Variants in TMEM117 observed in about 807,000 individuals in gnomAD.
TMEM117 encodes the protein transmembrane protein 117.
TMEM117 carries 27 observed loss-of-function variants against 52.4 expected under a neutral mutation model. The observed-to-expected ratio is 0.51, with a 90% CI of 0.38 to 0.71. TMEM117 has a LOEUF of 0.71. TMEM117 is among the 30% of genes least tolerant of loss of function. The probability of loss-of-function intolerance (pLI) is 0.00; values close to 1 mark genes in which losing one functional copy is unlikely to be tolerated. For missense variants in TMEM117, 556 were observed against 630.5 expected, an observed-to-expected ratio of 0.88 and a Z score of 1.26; for synonymous variants, 215 against 206.3, an observed-to-expected ratio of 1.04 and a Z score of -0.36.
chr12:43,953,826 C>G (rs1046600917), intron 3 of TMEM117, among the ~76,000 whole-genome samples: 1 of 152,014 alleles, frequency 6.6e-6, no homozygotes, highest in Admixed American at 6.5e-5. Flanking sequence ...ACAGAACTCT[C>G]CCCCCCAAAA....
At chr12:44,176,970 G>C (rs374192633) in intron 4 of TMEM117, among the ~76,000 whole-genome samples, 1 of 152,090 alleles carries the variant, frequency 6.6e-6, no homozygotes, top group Admixed American at 6.6e-5. Flanking sequence ...AGCTCAGGAA[G>C]GAAAGGGGTA....
chr12:44,235,494 T>C (rs1949985055), intron 5 of TMEM117, among the ~76,000 whole-genome samples: 1 of 151,720 alleles, frequency 6.6e-6, no homozygotes, highest in South Asian at 2.1e-4. Flanking sequence ...ATGTTTTTGA[T>C]TGGATCAGTG....
At chr12:43,932,039 T>A (rs1944879287) in intron 2 of TMEM117, among the ~76,000 whole-genome samples, 1 of 152,196 alleles carries the variant, frequency 6.6e-6, no homozygotes, top group South Asian at 2.1e-4. Flanking sequence ...GCCCTTTTGA[T>A]GTGCATGAAA....
chr12:44,037,900 G>A (rs1946735960), intron 3 of TMEM117, among the ~76,000 whole-genome samples: 1 of 152,002 alleles, frequency 6.6e-6, no homozygotes, highest in African/African-American at 2.4e-5. Flanking sequence ...TGAGAGTTGG[G>A]CAGATATTGG....
At chr12:44,195,235 T>G (rs1949403195) in intron 4 of TMEM117, among the ~76,000 whole-genome samples, 1 of 152,188 alleles carries the variant, frequency 6.6e-6, no homozygotes. Context: ...CAGTTCCTTT[T>G]GCTTGTAGGG....
chr12:43,944,435 G>T, intron 3 of TMEM117, 93 bp downstream of exon 3: 1 of 1,176,158 alleles, frequency 8.5e-7, no homozygotes, highest in Non-Finnish European at 1.2e-6. Context: ...GTCTAAGTCT[G>T]CTTTACAAAT....
intron 3 of TMEM117, among the ~76,000 whole-genome samples, chr12:44,089,609 C>T (rs1031001942): frequency 5.9e-5 from 9 of 152,100 alleles, no homozygotes; most frequent in African/African-American, 1.7e-4. Context: ...ACTCTCTCAG[C>T]GTAAGAGAGT....
intron 6 of TMEM117, among the ~76,000 whole-genome samples, chr12:44,311,205 A>G (rs1950970609): frequency 2.6e-5 from 4 of 152,132 alleles, no homozygotes; most frequent in Non-Finnish European, 5.9e-5. Context: ...ATATACATAT[A>G]TGTATGCTGA....
rs577691964 is a variant in TMEM117 at position 43,916,761 on chromosome 12, A to G, written c.278-27449A>G. Among the ~76,000 whole-genome samples, 23 of 152,306 alleles carry G rather than the reference A, an allele frequency of 1.5e-4. No individual in the cohort carries two copies. The East Asian group carries it at 3.1e-3, about 20-fold the overall frequency. ...GACTAAAAAATTAAATGGCATCTCA[A>G]AGTTTTCCTACTTCATCCTAGGAAT... On this transcript the variant is annotated intron_variant, in intron 2 of 7. Coordinates refer to ENST00000266534, the MANE Select transcript of TMEM117 (RefSeq NM_032256.3).
chr12:44,104,327 A>T (rs1565829185), intron 3 of TMEM117, among the ~76,000 whole-genome samples: 2 of 151,098 alleles, frequency 1.3e-5, no homozygotes, highest in East Asian at 3.9e-4. Flanking sequence ...CCTTCCCTTT[A>T]TTTTTTTAAC....
chr12:44,115,525 C>T (rs1367142638), intron 3 of TMEM117, among the ~76,000 whole-genome samples: 1 of 150,888 alleles, frequency 6.6e-6, no homozygotes, highest in Admixed American at 6.6e-5. Flanking sequence ...GAATCTAAGA[C>T]TCAAATAGTA....
chr12:44,049,114 C>T (rs11182401), intron 3 of TMEM117, among the ~76,000 whole-genome samples: 3,517 of 152,194 alleles, frequency 0.023, 71 homozygotes, highest in Middle Eastern at 0.058. Context: ...CACATGCACA[C>T]GTATGTTTAC....
chr12:44,221,008 C>T (rs1220875257), intron 5 of TMEM117, among the ~76,000 whole-genome samples: 3 of 152,072 alleles, frequency 2.0e-5, no homozygotes, highest in Non-Finnish European at 4.4e-5. Context: ...GCTTAACTCC[C>T]CACCCCTTGA....
intron 5 of TMEM117, among the ~76,000 whole-genome samples, chr12:44,234,330 G>T (rs989802415): frequency 4.0e-5 from 6 of 151,196 alleles, no homozygotes; most frequent in Non-Finnish European, 5.9e-5. Flanking sequence ...TTGTTTTGAT[G>T]AATTATACCT....
At chr12:44,130,145 G>C (rs1204250919) in intron 3 of TMEM117, among the ~76,000 whole-genome samples, 1 of 152,132 alleles carries the variant, frequency 6.6e-6, no homozygotes. Context: ...ATACTAATTG[G>C]TTCTTTATAT....
chr12:44,026,425 G>A (rs776083067), intron 3 of TMEM117, among the ~76,000 whole-genome samples: 2 of 152,166 alleles, frequency 1.3e-5, no homozygotes, highest in Middle Eastern at 3.4e-3. Context: ...GGGTTTCCAC[G>A]TGCCTCCAAA....
chr12:44,025,751 T>C (rs1173945761), intron 3 of TMEM117, among the ~76,000 whole-genome samples: 1 of 152,136 alleles, frequency 6.6e-6, no homozygotes, highest in Non-Finnish European at 1.5e-5. Flanking sequence ...CTAGAGAAAA[T>C]TTCTGAAGTT....
At chr12:44,097,174 C>T (rs901281148) in intron 3 of TMEM117, among the ~76,000 whole-genome samples, 1 of 152,176 alleles carries the variant, frequency 6.6e-6, no homozygotes, top group Non-Finnish European at 1.5e-5. Flanking sequence ...GACACCATCT[C>T]ACACCAGTTA....
chr12:44,168,192 G>T lies in TMEM117; in HGVS notation c.510+24568G>T, dbSNP rs138471356. Among the ~76,000 whole-genome samples the T allele has an allele frequency of 8.1e-3, 1,236 of 152,042 alleles. 13 individuals carry two copies. Among genetic ancestry groups the T allele is most frequent in the African/African-American group, 0.028 (1,174 of 41,454 alleles). On this transcript the variant is annotated intron_variant, in intron 4 of 7. Coordinates refer to ENST00000266534, the MANE Select transcript of TMEM117 (RefSeq NM_032256.3). ...TCCTTGAACCCGGGAGGCGGAGGTT[G>T]CAGGGAGCTGAGATGGCGCTACTGG...
Sources: gnomAD v4.1 joint callset for allele counts (sites outside exome capture counted in the v4.1 genomes callset) on GRCh38, gnomAD v4.1.1 for gene constraint, MANE v1.5 for transcripts, NCBI Gene and HGNC (gene_info 2026-07-23, HGNC 2026-07-21) for gene names.